Variants in MYL10 observed in about 807,000 individuals in gnomAD.
MYL10 encodes myosin regulatory light chain 10.
In MYL10, 18 loss-of-function variants were observed where a neutral mutation model predicts 21.9. The ratio of observed to expected loss-of-function variants is 0.82; its 90% CI spans 0.57 to 1.22. MYL10 has a LOEUF of 1.22. Among genes scored for constraint, MYL10 ranks in the 50% most tolerant of loss-of-function variants. The pLI, the probability that MYL10 is intolerant of heterozygous loss-of-function variation, is 0.00. For synonymous variants in MYL10, 88 were observed against 82.8 expected (o/e 1.06, Z -0.34); for missense variants, 225 against 230.4 (o/e 0.98, Z 0.15).
chr7:101,618,390 C>G (rs772882449), intron 5 of MYL10, among the ~76,000 whole-genome samples: 78 of 152,326 alleles, frequency 5.1e-4, no homozygotes, highest in South Asian at 1.4e-3. Flanking sequence ...TCCCAGGTTT[C>G]ACTGATTAGT....
intron 3 of MYL10, 77 bp from the exon 4 acceptor site, chr7:101,623,149 C>T (rs146711539): frequency 9.8e-5 from 135 of 1,382,582 alleles, no homozygotes; most frequent in East Asian, 1.2e-4. Context: ...GTCCTCCTGC[C>T]GACTGCTGCC....
intron 3 of MYL10, among the ~76,000 whole-genome samples, 169 bp from the exon 4 acceptor site, chr7:101,623,241 A>G (rs1025192366): frequency 6.6e-6 from 1 of 152,066 alleles, no homozygotes; most frequent in Non-Finnish European, 1.5e-5. Context: ...GCTCACAGCA[A>G]CTCCAGTTTG....
At chr7:101,627,804 G>A (rs917968613) in intron 1 of MYL10, among the ~76,000 whole-genome samples, 1 of 152,264 alleles carries the variant, frequency 6.6e-6, no homozygotes, top group Admixed American at 6.5e-5. Flanking sequence ...AGAGTAAGTT[G>A]AGGCTGCCTA....
chr7:101,623,110 T>G, intron 3 of MYL10, 38 bp from the exon 4 acceptor site: 1 of 1,591,362 alleles, frequency 6.3e-7, no homozygotes, highest in Non-Finnish European at 8.6e-7. Flanking sequence ...CACCTGCCCT[T>G]CCAAGCCCGG....
rs1402332126 is a variant in MYL10, at chr7:101,623,076, G to T, written c.274-4C>A. 9 of 1,613,404 alleles carry T rather than the reference G, an allele frequency of 5.6e-6. No homozygotes were observed. Among genetic ancestry groups the T allele is most frequent in the Non-Finnish European group, 7.6e-6 (9 of 1,179,820 alleles). ...TCTGGTCCATGATGGTGAAAGCCTG[G>T]CAGAGACACAGGTGCTAAGTAGTCA... On this transcript the variant is annotated splice_polypyrimidine_tract_variant and splice_region_variant and intron_variant, in intron 3 of 7. Transcript: ENST00000223167.
At chr7:101,626,492 GACTA>G (rs1410627139) in intron 1 of MYL10, among the ~76,000 whole-genome samples, 1 of 152,230 alleles carries the variant, frequency 6.6e-6, no homozygotes, top group Non-Finnish European at 1.5e-5. Context: ...TGCCGAGAGG[GACTA>G]ACTAATGAGG....
rs748136765 is a variant in MYL10 at position 101,622,169 on chromosome 7, C to T, written c.381G>A (p.Glu127=). ...GRINVKNEEL[E]AMVKEAPGPI... ...GTCCGGGGGCCTCCTTCACCATGGCCTCCAGTTCCTCGTTCTTGACATTGA... is the reference window on the plus strand; with the variant it reads ...GTCCGGGGGCCTCCTTCACCATGGCTTCCAGTTCCTCGTTCTTGACATTGA... Residue 127 remains glutamate, a synonymous_variant, in exon 5 of 8, where the codon GAG becomes GAA. Transcript: ENST00000223167. 1.2e-6 allele frequency: 2 copies of T among 1,613,280 alleles called. No homozygotes were observed. Among genetic ancestry groups the T allele is most frequent in the Admixed American group, 1.7e-5 (1 of 59,944 alleles).
intron 6 of MYL10, 78 bp downstream of exon 6, chr7:101,616,142 G>A: frequency 2.4e-6 from 3 of 1,231,726 alleles, no homozygotes; most frequent in Non-Finnish European, 3.5e-6. Context: ...AGAGGAGACT[G>A]GGCGACCATC....
intron 4 of MYL10, 63 bp from the exon 5 acceptor site, chr7:101,622,263 A>G: frequency 7.6e-7 from 1 of 1,312,964 alleles, no homozygotes; most frequent in Non-Finnish European, 1.1e-6. Context: ...GCCTCGGAGG[A>G]TCCCACAAAG....
chr7:101,621,635 C>G (rs373805153), intron 5 of MYL10, among the ~76,000 whole-genome samples: 6 of 152,144 alleles, frequency 3.9e-5, no homozygotes. Context: ...GTCACCCAGG[C>G]TGGAGTGCAG....
intron 5 of MYL10, among the ~76,000 whole-genome samples, chr7:101,620,567 T>C (rs2130739302): frequency 6.6e-6 from 1 of 152,314 alleles, no homozygotes; most frequent in Non-Finnish European, 1.5e-5. Flanking sequence ...CTCAGAAAAC[T>C]ATTATAAGCC....
rs1407609886 is a variant in MYL10 at position 101,613,709 on chromosome 7, T to A, written c.535A>T (p.Ile179Phe). 1.9e-6 allele frequency: 3 copies of A among 1,614,056 alleles called. No homozygotes were observed. Among genetic ancestry groups the A allele is most frequent in the East Asian group, 2.2e-5 (1 of 44,872 alleles). ...EGKGFVKADV[I>F]KEKLMTQADR... ...GCCTGGGTCATAAGTTTTTCTTTGA[T>A]GCTGTTCAAGGGAGAGACACAGTCA... Residue 179 changes from isoleucine to phenylalanine, a missense_variant and splice_region_variant, in exon 7 of 8, where the codon ATC becomes TTC. Coordinates refer to ENST00000223167, the MANE Select transcript of MYL10 (RefSeq NM_138403.5).
chr7:101,620,865 G>A lies in MYL10; in HGVS notation c.454+1231C>T, dbSNP rs147508473. Reference sequence around the variant, plus strand: ...GTGCAATGGCACCATCTCGGCTCACGGCAACCTCTGCCTCCCAGGTTCAAG... The same window carrying A: ...GTGCAATGGCACCATCTCGGCTCACAGCAACCTCTGCCTCCCAGGTTCAAG... On this transcript the variant is annotated intron_variant, in intron 5 of 7. Transcript: ENST00000223167. Among the ~76,000 whole-genome samples, 193 of 149,006 alleles carry A rather than the reference G, an allele frequency of 1.3e-3. 2 individuals carry two copies. The highest frequency in any genetic ancestry group is 3.7e-3 in the African/African-American group (151 of 40,322).
intron 1 of MYL10, 132 bp from the exon 2 acceptor site, chr7:101,624,396 G>C (rs1359333179): frequency 1.6e-6 from 1 of 632,670 alleles, no homozygotes; most frequent in East Asian, 2.8e-5. Flanking sequence ...ACAGCAGACA[G>C]ACAAGGCTAC....
Position 101,613,439 on chromosome 7 carries a change from T to G in MYL10, c.*36A>C. ...TCCCTGTCACACCCCACAACAGTGTTTGCTGCCCCTGAATGTCGGGGAGAC... is the reference window on the plus strand; with the variant it reads ...TCCCTGTCACACCCCACAACAGTGTGTGCTGCCCCTGAATGTCGGGGAGAC... On this transcript the variant is annotated 3_prime_UTR_variant, in exon 8 of 8. Coordinates refer to ENST00000223167, the MANE Select transcript of MYL10 (RefSeq NM_138403.5). 1 of 1,571,322 alleles carries G rather than the reference T, an allele frequency of 6.4e-7. No individual in the cohort carries two copies. The highest frequency in any genetic ancestry group is 8.8e-7 in the Non-Finnish European group (1 of 1,141,000).
chr7:101,618,583 A>G (rs1796636961), intron 5 of MYL10, among the ~76,000 whole-genome samples: 1 of 152,034 alleles, frequency 6.6e-6, no homozygotes, highest in Non-Finnish European at 1.5e-5. Context: ...TGTTCTTGAG[A>G]CTGCAAACCT....
chr7:101,615,596 C>T (rs1796599374), intron 6 of MYL10, among the ~76,000 whole-genome samples: 1 of 65,086 alleles, frequency 1.5e-5, no homozygotes, highest in Non-Finnish European at 4.5e-5. Flanking sequence ...GAATGCTGTT[C>T]CCCCCCTAGC....
intron 4 of MYL10, among the ~76,000 whole-genome samples, chr7:101,622,492 CT>C (rs1796692020): frequency 6.6e-6 from 1 of 152,154 alleles, no homozygotes; most frequent in Non-Finnish European, 1.5e-5. Context: ...CTCAGGGTTC[CT>C]GTGCCCCAGG....
chr7:101,627,040 C>A (rs1782011417), intron 1 of MYL10, among the ~76,000 whole-genome samples: 2 of 152,110 alleles, frequency 1.3e-5, no homozygotes, highest in Admixed American at 1.3e-4. Flanking sequence ...GCCTGTAATC[C>A]CAGCACTCTG....
Sources: allele counts gnomAD v4.1 joint callset (sites outside exome capture counted in the v4.1 genomes callset), GRCh38; gene constraint gnomAD v4.1.1; transcripts MANE v1.5; gene names NCBI Gene and HGNC (gene_info 2026-07-23, HGNC 2026-07-21).